BACH2: variants seen among roughly 807,000 people sequenced by gnomAD.
The protein encoded by BACH2 is BACH transcriptional regulator 2.
Under a neutral mutation model 61.8 loss-of-function variants are expected in BACH2, and 5 were observed. The ratio of observed to expected loss-of-function variants is 0.08; its 90% confidence interval spans 0.04 to 0.17. BACH2 has a LOEUF of 0.17. Ranked by LOEUF, BACH2 falls within the 10% of genes least tolerant of loss-of-function variation. The probability of loss-of-function intolerance (pLI) is 1.00; values close to 1 mark genes in which losing one functional copy is unlikely to be tolerated. For synonymous variants in BACH2, 446 were observed against 440.1 expected (o/e 1.01, Z -0.17); for missense variants, 824 against 1,091.1 (o/e 0.76, Z 3.45).
At chr6:90,285,442 C>G (rs1771990791) in intron 1 of BACH2, among the ~76,000 whole-genome samples, 1 of 152,172 alleles carries the variant, frequency 6.6e-6, no homozygotes, top group African/African-American at 2.4e-5. Flanking sequence ...TTTATGAAAA[C>G]TCTTTCTGAT....
intron 7 of BACH2, among the ~76,000 whole-genome samples, chr6:89,944,680 T>TTC (rs150534305): frequency 2.0e-5 from 3 of 150,908 alleles, no homozygotes; most frequent in Non-Finnish European, 3.0e-5. Flanking sequence ...CTCTCTTCCC[T>TTC]TCTCTCTCTC....
chr6:89,997,246 T>C (rs1776900771), intron 6 of BACH2, among the ~76,000 whole-genome samples: 1 of 152,206 alleles, frequency 6.6e-6, no homozygotes, highest in South Asian at 2.1e-4. Context: ...AACAGAACTT[T>C]GAAAGGTTAC....
At chr6:90,253,246 A>G (rs544249800) in intron 2 of BACH2, among the ~76,000 whole-genome samples, 1 of 150,688 alleles carries the variant, frequency 6.6e-6, no homozygotes, top group African/African-American at 2.4e-5. Context: ...TCTTGCCTCA[A>G]AAAAAAAAGG....
At chr6:90,162,448 G>A (rs145449558) in intron 4 of BACH2, among the ~76,000 whole-genome samples, 79 of 152,158 alleles carry the variant, frequency 5.2e-4, no homozygotes, top group Admixed American at 8.5e-4. Context: ...AGACCAGTCT[G>A]GGCAACATAG....
At position 89,982,356 on chromosome 6, in the gene BACH2, A is replaced by C. The variant is rs890427372; in HGVS notation, c.243+26246T>G. Reference sequence around the variant, plus strand: ...GGTAGAGAGGTCACTACTGCATCTAAAAGGGCAGAGATGGGATGGAAAGAC... The same window carrying C: ...GGTAGAGAGGTCACTACTGCATCTACAAGGGCAGAGATGGGATGGAAAGAC... On this transcript the variant is annotated intron_variant, in intron 6 of 8. Coordinates refer to ENST00000257749, the MANE Select transcript of BACH2 (RefSeq NM_021813.4). Among the ~76,000 whole-genome samples, 4 of 152,098 alleles carry C rather than the reference A, an allele frequency of 2.6e-5. 1 individual carries two copies. The highest frequency in any genetic ancestry group is 9.7e-5 in the African/African-American group (4 of 41,426).
intron 4 of BACH2, among the ~76,000 whole-genome samples, chr6:90,128,468 C>T (rs1783955236): frequency 6.6e-6 from 1 of 152,176 alleles, no homozygotes; most frequent in African/African-American, 2.4e-5. Flanking sequence ...GTAGTCCCAG[C>T]TACTCAGGAG....
chr6:90,291,438 G>A (rs189901108), intron 1 of BACH2, among the ~76,000 whole-genome samples: 4 of 151,798 alleles, frequency 2.6e-5, no homozygotes, highest in East Asian at 1.9e-4. Flanking sequence ...CCAGCCTTAC[G>A]GAAGCTGAGT....
intron 5 of BACH2, among the ~76,000 whole-genome samples, chr6:90,065,416 G>C (rs1421132892): frequency 6.6e-6 from 1 of 151,434 alleles, no homozygotes. Context: ...ATCCTAGAAT[G>C]GGGGGTAACA....
chr6:90,031,744 AG>A (rs1260184873), intron 5 of BACH2, among the ~76,000 whole-genome samples: 1 of 152,078 alleles, frequency 6.6e-6, no homozygotes, highest in African/African-American at 2.4e-5. Flanking sequence ...GCTCATGGGT[AG>A]GAAGAATCAA....
chr6:90,131,157 T>C (rs75194544), intron 4 of BACH2, among the ~76,000 whole-genome samples: 6,498 of 152,234 alleles, frequency 0.043, 149 homozygotes, highest in Middle Eastern at 0.082. Flanking sequence ...ATCAGAGGCA[T>C]TTACTAGTAA....
chr6:90,126,751 A>G (rs529415178), intron 4 of BACH2, among the ~76,000 whole-genome samples: 17 of 152,356 alleles, frequency 1.1e-4, no homozygotes, highest in African/African-American at 4.1e-4. Context: ...TGTAGACCAT[A>G]CATTCTAGAA....
At chr6:89,998,692 CTT>C (rs540354097) in intron 6 of BACH2, among the ~76,000 whole-genome samples, 9 of 146,266 alleles carry the variant, frequency 6.2e-5, no homozygotes, top group Admixed American at 6.9e-5. Context: ...TCTTTTTTCC[CTT>C]TTTTTTTTTA....
chr6:90,223,066 C>T (rs1769789160), intron 3 of BACH2, among the ~76,000 whole-genome samples: 1 of 152,242 alleles, frequency 6.6e-6, no homozygotes, highest in Non-Finnish European at 1.5e-5. Context: ...GACCCACTTC[C>T]CCTTCCTTGT....
Position 90,123,727 on chromosome 6 carries a change from G to A in BACH2, c.-161-34618C>T, listed in dbSNP as rs924979113. Among the ~76,000 whole-genome samples, 8 of 123,768 alleles carry A rather than the reference G, an allele frequency of 6.5e-5. No homozygotes were observed. The East Asian group carries it at 1.4e-3, about 22-fold the overall frequency. 81.2% of individuals were successfully genotyped at this position (123,768 alleles called of 152,430 possible). A position where few individuals can be genotyped will look rare whatever the true frequency, so the allele number is the denominator to read the frequency against. ...GGAGCTTGCAGTGAGCCGAGATCCC[G>A]CCACTGCACTCCAGCCTGGGCGACA... On this transcript the variant is annotated intron_variant, in intron 4 of 8. Coordinates refer to ENST00000257749, the MANE Select transcript of BACH2 (RefSeq NM_021813.4).
chr6:90,082,195 CA>C (rs1781754149), intron 5 of BACH2, among the ~76,000 whole-genome samples: 1 of 152,136 alleles, frequency 6.6e-6, no homozygotes, highest in South Asian at 2.1e-4. Context: ...CCTTATAGTA[CA>C]GTGATTACTA....
intron 4 of BACH2, among the ~76,000 whole-genome samples, chr6:90,144,122 G>A (rs1010525487): frequency 1.3e-5 from 2 of 152,048 alleles, no homozygotes; most frequent in Non-Finnish European, 2.9e-5. Context: ...TACTTTGATG[G>A]CAACTCTAAA....
At chr6:89,981,154 A>C (rs1405725003) in intron 6 of BACH2, among the ~76,000 whole-genome samples, 1 of 151,688 alleles carries the variant, frequency 6.6e-6, no homozygotes, top group Non-Finnish European at 1.5e-5. Context: ...TTTTTAGACA[A>C]ACAGTCTCGC....
chr6:90,062,824 T>TA (rs1562413180), intron 5 of BACH2: 1 of 640,064 alleles, frequency 1.6e-6, no homozygotes, highest in Non-Finnish European at 1.9e-6. Flanking sequence ...AAAGTCTGAA[T>TA]AATCCTGAGA....
At chr6:90,169,416 T>C (rs1048674039) in intron 4 of BACH2, among the ~76,000 whole-genome samples, 8 of 152,286 alleles carry the variant, frequency 5.3e-5, no homozygotes, top group East Asian at 1.9e-4. Flanking sequence ...TAACTCCTCC[T>C]ATTCTGACCC....
Sources: gnomAD v4.1 joint callset for allele counts (sites outside exome capture counted in the v4.1 genomes callset) on GRCh38, gnomAD v4.1.1 for gene constraint, MANE v1.5 for transcripts, NCBI Gene and HGNC (gene_info 2026-07-23, HGNC 2026-07-21) for gene names.